The following SKOR1 variants were observed in gnomAD, a reference collection of about 807,000 sequenced individuals.
SKOR1 encodes SKI family transcriptional corepressor 1, also known as LBX1 corepressor 1.
In SKOR1, 38 loss-of-function variants were observed where a neutral mutation model predicts 72.4. The observed-to-expected ratio is 0.52, with a 90% CI of 0.40 to 0.69. The LOEUF (loss-of-function observed/expected upper bound fraction) is 0.69. Among genes scored for constraint, SKOR1 ranks in the 30% least tolerant of loss-of-function variants. The pLI is 0.00. For missense variants in SKOR1, 1,320 were observed against 1,343.2 expected, an observed-to-expected ratio of 0.98 and a Z score of 0.27; for synonymous variants, 642 against 599.4, an observed-to-expected ratio of 1.07 and a Z score of -1.04.
At position 67,832,873 on chromosome 15, in the gene SKOR1, C is replaced by T; in HGVS notation, c.2737+192C>T. 1 of 609,210 alleles carries T rather than the reference C, an allele frequency of 1.6e-6. No homozygotes were observed. The highest frequency in any genetic ancestry group is 2.0e-5 in the South Asian group (1 of 49,848). The allele number at this position is 609,210 out of a possible 1,614,324, so 37.7% of individuals were successfully genotyped here. A position where few individuals can be genotyped will look rare whatever the true frequency, so the allele number is the denominator to read the frequency against. On this transcript the variant is annotated intron_variant, in intron 7 of 8. Coordinates refer to ENST00000380035, the MANE Select transcript of SKOR1 (RefSeq NM_001365915.1). The surrounding 1 kb of genome is among the most constrained non-coding windows in gnomAD (Gnocchi z 4.5). ...AGCCCAGCAAACGGCTTGCAGGCATCATTACATGGAGTGATTGAACTTCTT... is the reference window on the plus strand; with the variant it reads ...AGCCCAGCAAACGGCTTGCAGGCATTATTACATGGAGTGATTGAACTTCTT...
In SKOR1 at chr15:67,825,790, G is replaced by T. The variant is rs757241570; in HGVS notation, c.107+81G>T. 6.2e-6 allele frequency: 9 copies of T among 1,456,270 alleles called. No individual in the cohort carries two copies. Among genetic ancestry groups the T allele is most frequent in the African/African-American group, 5.6e-5 (4 of 71,388 alleles). 90.2% of individuals were successfully genotyped at this position (1,456,270 alleles called of 1,614,324 possible). On this transcript the variant is annotated intron_variant, in intron 1 of 8. Transcript: ENST00000380035. This position sits in a 1 kb window ranked among gnomAD's most constrained non-coding sequence, Gnocchi z 5.6. ...AACATGGGTCTGAGTAACAAAAGAC[G>T]CCTGTCCAGGGGGTGAATGAGTTTG...
Position 67,830,801 on chromosome 15 carries a change from C to T in SKOR1, c.2516-17C>T, listed in dbSNP as rs2091002505. 7 of 1,614,038 alleles carry T rather than the reference C, an allele frequency of 4.3e-6. No individual in the cohort carries two copies. The African/African-American group carries it at 5.3e-5, about 12-fold the overall frequency. On this transcript the variant is annotated splice_polypyrimidine_tract_variant and intron_variant, in intron 4 of 8. Transcript: ENST00000380035. ...TTTCCTAGGACAGAACCCCTCTTAC[C>T]TGCCCCTGTATCCCAGGCGAAGATG...
At chr15:67,830,132 G>A (rs1050517828) in intron 3 of SKOR1, 59 bp from the exon 4 acceptor site, 10 of 1,565,356 alleles carry the variant, frequency 6.4e-6, no homozygotes, top group African/African-American at 1.4e-5. Flanking sequence ...CGGCAGCTCC[G>A]GCAGTATCCG....
At chr15:67,830,674 G>C in intron 4 of SKOR1, 144 bp from the exon 5 acceptor site, 1 of 785,174 alleles carries the variant, frequency 1.3e-6, no homozygotes, top group Non-Finnish European at 2.2e-6. Context: ...AAGGTGGATA[G>C]TACTGGATTC....
chr15:67,825,808 TG>T lies in SKOR1; in HGVS notation c.107+100del. The T allele has an allele frequency of 6.6e-7, 1 of 1,524,358 alleles. No individual in the cohort carries two copies. Among genetic ancestry groups the T allele is most frequent in the Non-Finnish European group, 8.9e-7 (1 of 1,124,430 alleles). 94.4% of individuals were successfully genotyped at this position (1,524,358 alleles called of 1,614,324 possible). On this transcript the variant is annotated intron_variant, in intron 1 of 8. Transcript: ENST00000380035. The surrounding 1 kb of genome is among the most constrained non-coding windows in gnomAD (Gnocchi z 5.6). ...AAAAGACGCCTGTCCAGGGGGTGAA[TG>T]AGTTTGGACTCCCCACTGCCAAGTA...
chr15:67,829,268 C>T lies in SKOR1; in HGVS notation c.2406C>T (p.His802=). 2.6e-6 allele frequency: 4 copies of T among 1,546,996 alleles called. No individual in the cohort carries two copies. Among genetic ancestry groups the T allele is most frequent in the Non-Finnish European group, 2.6e-6 (3 of 1,153,116 alleles). The change falls in exon 3 of 9, where the codon CAC becomes CAT. Residue 802 remains histidine, a splice_region_variant and synonymous_variant. Coordinates refer to ENST00000380035, the MANE Select transcript of SKOR1 (RefSeq NM_001365915.1). ...CCTACGTCTGCACCCCCGAGGCCCA[C>T]GGTAACGCCTGTCGCGGCCGCTGGC... ...AASYVCTPEA[H]EPDKEDNHSP...
Position 67,826,902 on chromosome 15 carries a change from G to T in SKOR1, c.1074G>T (p.Ala358=). 1 of 1,549,620 alleles carries T rather than the reference G, an allele frequency of 6.5e-7. No homozygotes were observed. Residue 358 remains alanine, a synonymous_variant, in exon 2 of 9, where the codon GCG becomes GCT. Transcript: ENST00000380035. ...LGLATGASGP[A]GPGGPGGGAG... ...TGGCGACTGGAGCTAGTGGCCCGGC[G>T]GGCCCAGGAGGGCCCGGTGGCGGCG...
At chr15:67,830,640 C>T (rs986306347) in intron 4 of SKOR1, among the ~76,000 whole-genome samples, 178 bp from the exon 5 acceptor site, 3 of 152,266 alleles carry the variant, frequency 2.0e-5, no homozygotes, top group Admixed American at 1.3e-4. Flanking sequence ...GGTCACTCTC[C>T]TACTCTCTAC....
Position 67,833,652 on chromosome 15 carries a change from T to A in SKOR1, c.2804-90T>A. On this transcript the variant is annotated intron_variant, in intron 8 of 8. Transcript: ENST00000380035. This position sits in a 1 kb window ranked among gnomAD's most constrained non-coding sequence, Gnocchi z 6.0. ...GTTGAGATTCCCTGACCCCAAAGGG[T>A]TGGTAAGGCCGGGGAGGGGAAAGGG... 1 of 1,344,722 alleles carries A rather than the reference T, an allele frequency of 7.4e-7. No individual in the cohort carries two copies. Among genetic ancestry groups the A allele is most frequent in the Non-Finnish European group, 1.1e-6 (1 of 940,970 alleles). The allele number at this position is 1,344,722 out of a possible 1,614,324, so 83.3% of individuals were successfully genotyped here.
rs1014182077 is a variant in SKOR1 at position 67,832,426 on chromosome 15, G to A, written c.2662+78G>A. On this transcript the variant is annotated intron_variant, in intron 6 of 8. Transcript: ENST00000380035. The surrounding 1 kb of genome is among the most constrained non-coding windows in gnomAD (Gnocchi z 4.5). ...GGTGCCCCGACCTACTCCGAAAGCC[G>A]GGTGCCAGGCAACTGGTACTAGGTG... The A allele has an allele frequency of 8.5e-6, 13 of 1,522,398 alleles. No individual in the cohort carries two copies. Among genetic ancestry groups the A allele is most frequent in the Middle Eastern group, 1.8e-4 (1 of 5,600 alleles). The allele number at this position is 1,522,398 out of a possible 1,614,324, so 94.3% of individuals were successfully genotyped here.
chr15:67,827,448 G>A lies in SKOR1; in HGVS notation c.1620G>A (p.Glu540=). The part of the protein sequence containing the change: ...SGAPEPLDGA[E]PAKESGLGAE... ...CCCCAGAGCCCCTGGACGGTGCCGA[G>A]CCAGCCAAAGAGAGTGGCCTCGGCG... is the stretch of plus-strand genomic sequence containing the variant. Residue 540 remains glutamate (E), a synonymous_variant, in exon 2 of 9, where the codon GAG becomes GAA. Coordinates refer to ENST00000380035, the MANE Select transcript of SKOR1 (RefSeq NM_001365915.1). 6.6e-7 allele frequency: 1 copy of A among 1,522,886 alleles called. No homozygotes were observed. Among genetic ancestry groups the A allele is most frequent in the Non-Finnish European group, 8.8e-7 (1 of 1,141,996 alleles). 94.3% of individuals were successfully genotyped at this position (1,522,886 alleles called of 1,614,324 possible).
chr15:67,830,765 C>A, intron 4 of SKOR1, 53 bp from the exon 5 acceptor site: 3 of 1,588,622 alleles, frequency 1.9e-6, no homozygotes, highest in Non-Finnish European at 2.6e-6. Context: ...CACCCCTCCC[C>A]TCTCAAGGGC....
In SKOR1 at chr15:67,834,068, A is replaced by C; in HGVS notation, c.*232A>C. 5.7e-5 allele frequency: 32 copies of C among 566,166 alleles called. No homozygotes were observed. Among genetic ancestry groups the C allele is most frequent in the Non-Finnish European group, 6.7e-5 (21 of 311,762 alleles). 35.1% of individuals were successfully genotyped at this position (566,166 alleles called of 1,614,324 possible). A position where few individuals can be genotyped will look rare whatever the true frequency, so the allele number is the denominator to read the frequency against. On this transcript the variant is annotated 3_prime_UTR_variant, in exon 9 of 9. Coordinates refer to ENST00000380035, the MANE Select transcript of SKOR1 (RefSeq NM_001365915.1). This position sits in a 1 kb window ranked among gnomAD's most constrained non-coding sequence, Gnocchi z 5.8. ...GTGTAAATACCGCCTCGCGCCTCAA[A>C]TCCCCCTACCCCGTGTGAACTCTAG...
chr15:67,827,594 G>C lies in SKOR1; in HGVS notation c.1766G>C (p.Gly589Ala), dbSNP rs1490022398. ...CCGCCCCCGCCGCCCGCACGCAAAG[G>C]CTCCTACGTGTCGGCCTTCCGGCCG... ...PPPPPPPARK[G>A]SYVSAFRPVV... The change falls in exon 2 of 9, where the codon GGC (glycine) becomes GCC (alanine). Residue 589 changes from glycine to alanine, a missense_variant. Physicochemically the swap from Gly to Ala is moderately conservative, Grantham distance 60. Transcript: ENST00000380035. 6.5e-7 allele frequency: 1 copy of C among 1,526,926 alleles called. No homozygotes were observed. Among genetic ancestry groups the C allele is most frequent in the Non-Finnish European group, 8.7e-7 (1 of 1,143,734 alleles). The allele number at this position is 1,526,926 out of a possible 1,614,324, so 94.6% of individuals were successfully genotyped here.
intron 5 of SKOR1, among the ~76,000 whole-genome samples, chr15:67,831,811 T>A (rs2141369711): frequency 6.6e-6 from 1 of 151,798 alleles, no homozygotes; most frequent in South Asian, 2.1e-4. Flanking sequence ...CTCCTGAAAT[T>A]GCAGGCAAAC....
Position 67,827,478 on chromosome 15 carries a change from G to A in SKOR1, c.1650G>A (p.Glu550=), listed in dbSNP as rs776855427. 22 of 1,521,516 alleles carry A rather than the reference G, an allele frequency of 1.4e-5. 3 individuals carry two copies. The South Asian group carries it at 2.4e-4, about 17-fold the overall frequency. The allele number at this position is 1,521,516 out of a possible 1,614,324, so 94.3% of individuals were successfully genotyped here. ...CCAAAGAGAGTGGCCTCGGCGCGGAGGAGCGCTGCCCGAGCGCTCTGTCCC... is the reference window on the plus strand; with the variant it reads ...CCAAAGAGAGTGGCCTCGGCGCGGAAGAGCGCTGCCCGAGCGCTCTGTCCC... The part of the protein sequence containing the change: ...EPAKESGLGA[E]ERCPSALSRG... The change falls in exon 2 of 9, where the codon GAG becomes GAA. Residue 550 remains glutamate (E), a synonymous_variant. Transcript: ENST00000380035.
rs750505138 is a variant in SKOR1 at position 67,827,363 on chromosome 15, C to T, written c.1535C>T (p.Ala512Val). The T allele has an allele frequency of 2.5e-6, 4 of 1,572,622 alleles. No individual in the cohort carries two copies. In the Admixed American group the frequency reaches 7.0e-5, roughly 28 times the overall value. ...SYPAAQSQAK[A>V]VAAAVAAAAA... Reference sequence around the variant, plus strand: ...CCCGCTGCTCAGAGCCAAGCCAAGGCCGTGGCGGCAGCCGTGGCGGCGGCA... The same window carrying T: ...CCCGCTGCTCAGAGCCAAGCCAAGGTCGTGGCGGCAGCCGTGGCGGCGGCA... The change falls in exon 2 of 9, where the codon GCC becomes GTC. Residue 512 changes from alanine to valine, a missense_variant. Coordinates refer to ENST00000380035, the MANE Select transcript of SKOR1 (RefSeq NM_001365915.1).
Position 67,833,788 on chromosome 15 carries a change from C to T in SKOR1, c.2850C>T (p.Pro950=), listed in dbSNP as rs140401745. Residue 950 remains proline, a synonymous_variant, in exon 9 of 9, where the codon CCC becomes CCT. Transcript: ENST00000380035. This position sits in a 1 kb window ranked among gnomAD's most constrained non-coding sequence, Gnocchi z 6.0. Reference sequence around the variant, plus strand: ...ATTTCTCCTGCAAGATGCTGACGCCCCGCCACTGCACTGGCAACTGCTCCT... The same window carrying T: ...ATTTCTCCTGCAAGATGCTGACGCCTCGCCACTGCACTGGCAACTGCTCCT... ...LHHFSCKMLT[P]RHCTGNCSFK... 1.0e-4 allele frequency: 163 copies of T among 1,613,260 alleles called. No homozygotes were observed. Among genetic ancestry groups the T allele is most frequent in the Non-Finnish European group, 1.3e-4 (151 of 1,180,040 alleles).
chr15:67,829,137 AG>A (rs983705856), intron 2 of SKOR1, 41 bp from the exon 3 acceptor site: 2 of 1,489,274 alleles, frequency 1.3e-6, no homozygotes, highest in African/African-American at 2.8e-5. Context: ...GGGCCGCCGC[AG>A]GGCGCCACCC....
Sources: gnomAD v4.1 joint callset for allele counts (sites outside exome capture counted in the v4.1 genomes callset) on GRCh38, gnomAD v4.1.1 for gene constraint, Gnocchi (gnomAD v3.1) non-coding constraint, MANE v1.5 for transcripts, NCBI Gene and HGNC (gene_info 2026-07-23, HGNC 2026-07-21) for gene names.